The following TRPC4 variants were observed in gnomAD, a reference collection of about 807,000 sequenced individuals.
The protein encoded by TRPC4 is short transient receptor potential channel 4.
In TRPC4, 49 loss-of-function variants were observed where a neutral mutation model predicts 99.4. The observed-to-expected ratio is 0.49, with a 90% CI of 0.39 to 0.63. The LOEUF (loss-of-function observed/expected upper bound fraction) is 0.63, where lower values mean the gene tolerates loss of function less well. TRPC4 is among the 20% of genes least tolerant of loss of function. The pLI, the probability that TRPC4 is intolerant of heterozygous loss-of-function variation, is 0.00. For missense variants in TRPC4, 898 were observed against 1,152.9 expected, an observed-to-expected ratio of 0.78 and a Z score of 3.20; for synonymous variants, 454 against 425.9, an observed-to-expected ratio of 1.07 and a Z score of -0.81.
intron 3 of TRPC4, among the ~76,000 whole-genome samples, chr13:37,702,558 T>A (rs1344352293): frequency 6.6e-6 from 1 of 152,192 alleles, no homozygotes; most frequent in Non-Finnish European, 1.5e-5. Context: ...TGAAGAAATA[T>A]CACAGTGGTG....
intron 3 of TRPC4, among the ~76,000 whole-genome samples, chr13:37,725,091 T>C (rs1472384525): frequency 6.6e-6 from 1 of 152,114 alleles, no homozygotes; most frequent in African/African-American, 2.4e-5. Flanking sequence ...AAATAAATTC[T>C]AGAGCTGAAG....
At chr13:37,681,696 C>A (rs959382697) in intron 4 of TRPC4, among the ~76,000 whole-genome samples, 5 of 152,066 alleles carry the variant, frequency 3.3e-5, no homozygotes, top group Admixed American at 6.6e-5. Flanking sequence ...AACTAAAAAG[C>A]CTGAAGAGAA....
In TRPC4 at chr13:37,667,371, A is replaced by G. The variant is rs138683783; in HGVS notation, c.1375-3642T>C. Among the ~76,000 whole-genome samples the G allele has an allele frequency of 4.1e-3, 629 of 152,232 alleles. 1 individual carries two copies. Among genetic ancestry groups the G allele is most frequent in the Non-Finnish European group, 7.5e-3 (510 of 68,002 alleles). ...GCCCAGGCTGGAGTACAGTGCCGCA[A>G]TCTCGGCTCACTGCAACCTCCATCT... On this transcript the variant is annotated intron_variant, in intron 5 of 10. Coordinates refer to ENST00000379705, the MANE Select transcript of TRPC4 (RefSeq NM_016179.4).
intron 8 of TRPC4, among the ~76,000 whole-genome samples, chr13:37,646,275 T>G (rs1187177564): frequency 2.0e-5 from 3 of 152,164 alleles, no homozygotes; most frequent in Non-Finnish European, 4.4e-5. Flanking sequence ...CTTCTCACCA[T>G]GTGCTTGAGA....
intron 3 of TRPC4, among the ~76,000 whole-genome samples, chr13:37,742,924 T>A (rs1045994390): frequency 3.3e-5 from 5 of 152,198 alleles, no homozygotes; most frequent in East Asian, 1.9e-4. Context: ...CTGAATTTTT[T>A]AAATAATGCT....
Position 37,835,605 on chromosome 13 carries a change from C to T in TRPC4, c.-28+33990G>A, listed in dbSNP as rs575005440. On this transcript the variant is annotated intron_variant, in intron 1 of 10. Coordinates refer to ENST00000379705, the MANE Select transcript of TRPC4 (RefSeq NM_016179.4). ...AAAGGAAGACGTGTGCAGACAGTGA[C>T]GTAGCAGAAGTCACTGGAAACTTTG... is the stretch of plus-strand genomic sequence containing the variant. Among the ~76,000 whole-genome samples the T allele has an allele frequency of 5.3e-5, 8 of 152,130 alleles. No individual in the cohort carries two copies. In the South Asian group the frequency reaches 8.3e-4, roughly 16 times the overall value.
Position 37,693,031 on chromosome 13 carries a change from T to C in TRPC4, c.898-696A>G, listed in dbSNP as rs553541300. The stretch of plus-strand genomic sequence containing the variant: ...TCACAGACATGGCATCATTCTATCC[T>C]GACAACATTTTTGTGATGTAGCATG... On this transcript the variant is annotated intron_variant, in intron 3 of 10. Coordinates refer to ENST00000379705, the MANE Select transcript of TRPC4 (RefSeq NM_016179.4). Among the ~76,000 whole-genome samples, 3 of 151,418 alleles carry C rather than the reference T, an allele frequency of 2.0e-5. No homozygotes were observed. In the South Asian group the frequency reaches 6.3e-4, roughly 32 times the overall value.
In TRPC4 at chr13:37,827,193, C is replaced by A. The variant is rs1215305208; in HGVS notation, c.-28+42402G>T. 2.6e-5 allele frequency among the ~76,000 whole-genome samples: 4 copies of A among 151,828 alleles called. No homozygotes were observed. The East Asian group carries it at 5.8e-4, about 22-fold the overall frequency. Reference sequence around the variant, plus strand: ...ATTCTTCTAATTTTTTTTCAAAGTTCTCAACTTCTTTGACTTTGGTTTCAA... The same window carrying A: ...ATTCTTCTAATTTTTTTTCAAAGTTATCAACTTCTTTGACTTTGGTTTCAA... On this transcript the variant is annotated intron_variant, in intron 1 of 10. Transcript: ENST00000379705.
At chr13:37,666,318 A>C (rs1334181415) in intron 5 of TRPC4, among the ~76,000 whole-genome samples, 3 of 152,176 alleles carry the variant, frequency 2.0e-5, no homozygotes, top group Non-Finnish European at 2.9e-5. Context: ...CACAGGGTAC[A>C]TCTGGCTATT....
chr13:37,743,103 A>G (rs1165492380), intron 3 of TRPC4, among the ~76,000 whole-genome samples: 1 of 152,124 alleles, frequency 6.6e-6, no homozygotes. Flanking sequence ...TCCCAATACA[A>G]TGTCTTTTAA....
chr13:37,827,474 T>C (rs1459704275), intron 1 of TRPC4, among the ~76,000 whole-genome samples: 2 of 152,184 alleles, frequency 1.3e-5, no homozygotes, highest in Non-Finnish European at 2.9e-5. Flanking sequence ...TTCTGTTTGT[T>C]AGTTTTCCTT....
intron 2 of TRPC4, among the ~76,000 whole-genome samples, chr13:37,761,464 G>A (rs983383177): frequency 1.4e-4 from 21 of 151,786 alleles, no homozygotes; most frequent in African/African-American, 4.8e-4. Flanking sequence ...GAAAATGTCC[G>A]TTAAATCCTG....
At chr13:37,736,789 C>T (rs751439327) in intron 3 of TRPC4, among the ~76,000 whole-genome samples, 16 of 151,980 alleles carry the variant, frequency 1.1e-4, no homozygotes, top group East Asian at 5.8e-4. Context: ...AGTGTACTGG[C>T]GCAATCATGG....
intron 1 of TRPC4, among the ~76,000 whole-genome samples, chr13:37,848,300 T>C (rs537167346): frequency 2.0e-5 from 3 of 152,252 alleles, no homozygotes; most frequent in African/African-American, 7.2e-5. Flanking sequence ...GATTTATCAA[T>C]CAAAAATAAT....
chr13:37,855,004 G>A (rs2139691311), intron 1 of TRPC4: 1 of 151,932 alleles, frequency 6.6e-6, no homozygotes, highest in Middle Eastern at 3.4e-3. Flanking sequence ...AACCTTGAAT[G>A]TAAATAGAAT....
At chr13:37,669,511 C>T (rs538032940) in intron 5 of TRPC4, among the ~76,000 whole-genome samples, 3 of 152,284 alleles carry the variant, frequency 2.0e-5, no homozygotes, top group African/African-American at 2.4e-5. Context: ...GAAAACACCA[C>T]AAAACTTTGC....
At position 37,753,542 on chromosome 13, in the gene TRPC4, T is replaced by C. The variant is rs141486090; in HGVS notation, c.379-7087A>G. ...ATTGCACCCTGCCAGACAGGAAAGA[T>C]GAGAGACAGAGAAAGAAAGAGAGAG... On this transcript the variant is annotated intron_variant, in intron 2 of 10. Transcript: ENST00000379705. Among the ~76,000 whole-genome samples, 22 of 114,718 alleles carry C rather than the reference T, an allele frequency of 1.9e-4. No individual in the cohort carries two copies. In the East Asian group the frequency reaches 4.3e-3, roughly 22 times the overall value. The allele number at this position is 114,718 out of a possible 152,430, so 75.3% of individuals were successfully genotyped here.
At chr13:37,705,225 C>G (rs1055834644) in intron 3 of TRPC4, among the ~76,000 whole-genome samples, 1 of 152,090 alleles carries the variant, frequency 6.6e-6, no homozygotes, top group Non-Finnish European at 1.5e-5. Flanking sequence ...CATGATCTCA[C>G]TGATATGTGG....
At position 37,824,896 on chromosome 13, in the gene TRPC4, T is replaced by C. The variant is rs974133935; in HGVS notation, c.-27-41536A>G. Among the ~76,000 whole-genome samples the C allele has an allele frequency of 1.4e-3, 210 of 152,298 alleles. 1 individual carries two copies. The highest frequency in any genetic ancestry group is 4.9e-3 in the African/African-American group (204 of 41,564). ...GGCAGAATTCGGCTGTGAATCCATC[T>C]GGTCCTGGACTCTTTTTGGTTGGTA... is the stretch of plus-strand genomic sequence containing the variant. On this transcript the variant is annotated intron_variant, in intron 1 of 10. Coordinates refer to ENST00000379705, the MANE Select transcript of TRPC4 (RefSeq NM_016179.4).
Sources: allele counts gnomAD v4.1 joint callset (sites outside exome capture counted in the v4.1 genomes callset), GRCh38; gene constraint gnomAD v4.1.1; transcripts MANE v1.5; gene names NCBI Gene and HGNC (gene_info 2026-07-23, HGNC 2026-07-21).